The following CDC14B variants were observed in gnomAD, a reference collection of about 807,000 sequenced individuals.
CDC14B encodes the protein dual specificity protein phosphatase CDC14B.
In CDC14B, 22 loss-of-function variants were observed where a neutral mutation model predicts 64.2. The observed-to-expected ratio is 0.34, with a 90% confidence interval of 0.24 to 0.49. The LOEUF is 0.49. Among genes scored for constraint, CDC14B ranks in the 20% least tolerant of loss-of-function variants. The pLI, the probability that CDC14B is intolerant of heterozygous loss-of-function variation, is 0.99. For missense variants in CDC14B, 498 were observed against 629.9 expected (o/e 0.79, Z 2.24); for synonymous variants, 191 against 215.8 (o/e 0.89, Z 1.01).
rs1440798089 is a variant in CDC14B at position 96,619,213 on chromosome 9, G to A, written c.160+6C>T. The A allele has an allele frequency of 2.5e-5, 32 of 1,295,736 alleles. No homozygotes were observed. The highest frequency in any genetic ancestry group is 2.9e-5 in the Non-Finnish European group (30 of 1,018,474). The allele number at this position is 1,295,736 out of a possible 1,614,324, so 80.3% of individuals were successfully genotyped here. On this transcript the variant is annotated splice_donor_region_variant and intron_variant, in intron 1 of 13. Coordinates refer to ENST00000375241, the MANE Select transcript of CDC14B (RefSeq NM_033331.4). Reference sequence around the variant, plus strand: ...GGGCCCTCCGCGCGCCCACTGGCCGGCTCACCGGTGATGTCCAGGTACACG... The same window carrying A: ...GGGCCCTCCGCGCGCCCACTGGCCGACTCACCGGTGATGTCCAGGTACACG...
intron 12 of CDC14B, among the ~76,000 whole-genome samples, chr9:96,520,583 C>CTT (rs1270563591): frequency 2.0e-5 from 3 of 152,176 alleles, no homozygotes; most frequent in Non-Finnish European, 4.4e-5. Flanking sequence ...TTAACAAAAA[C>CTT]TTTTGACTAA....
chr9:96,494,801 A>AGTCTC (rs1833179275), intron 13 of CDC14B, among the ~76,000 whole-genome samples: 1 of 84,292 alleles, frequency 1.2e-5, no homozygotes, highest in South Asian at 5.3e-4. Context: ...CGTCCTGTCC[A>AGTCTC]GTCTCGTCCC....
intron 1 of CDC14B, among the ~76,000 whole-genome samples, chr9:96,591,668 G>A (rs1490319725): frequency 1.3e-5 from 2 of 152,084 alleles, no homozygotes; most frequent in African/African-American, 4.8e-5. Flanking sequence ...GATAGCTTTA[G>A]GTAGTTATTA....
At chr9:96,550,451 C>CTT (rs1233567368) in intron 5 of CDC14B, among the ~76,000 whole-genome samples, 1 of 152,164 alleles carries the variant, frequency 6.6e-6, no homozygotes, top group African/African-American at 2.4e-5. Context: ...ATTAGAAATA[C>CTT]CCATCCCAAG....
Position 96,619,444 on chromosome 9 carries a change from C to G in CDC14B, c.-66G>C. On this transcript the variant is annotated 5_prime_UTR_variant, in exon 1 of 14. Coordinates refer to ENST00000375241, the MANE Select transcript of CDC14B (RefSeq NM_033331.4). ...CCGCGCGCCCGCGCGCCCGCCGAGGCTCCCGCCAGCCCCGCGCGGGCGCTC... is the reference window on the plus strand; with the variant it reads ...CCGCGCGCCCGCGCGCCCGCCGAGGGTCCCGCCAGCCCCGCGCGGGCGCTC... 1 of 975,240 alleles carries G rather than the reference C, an allele frequency of 1.0e-6. No homozygotes were observed. The highest frequency in any genetic ancestry group is 1.2e-6 in the Non-Finnish European group (1 of 812,728). The allele number at this position is 975,240 out of a possible 1,614,324, so 60.4% of individuals were successfully genotyped here.
intron 2 of CDC14B, 70 bp from the exon 3 acceptor site, chr9:96,564,922 C>T: frequency 1.0e-6 from 1 of 977,826 alleles, no homozygotes; most frequent in Non-Finnish European, 1.5e-6. Context: ...TTTTTTGGGT[C>T]TACAAGATCA....
chr9:96,600,807 G>A (rs1021317477), intron 1 of CDC14B, among the ~76,000 whole-genome samples: 5 of 151,920 alleles, frequency 3.3e-5, no homozygotes, highest in Admixed American at 6.6e-5. Flanking sequence ...CCGGCCTAGC[G>A]TTTGTGTTTA....
intron 1 of CDC14B, among the ~76,000 whole-genome samples, chr9:96,587,030 G>A (rs1420276543): frequency 2.6e-5 from 4 of 151,946 alleles, no homozygotes; most frequent in Admixed American, 6.6e-5. Context: ...AAAATTAACC[G>A]GGCGTGTTGG....
intron 1 of CDC14B, chr9:96,618,648 G>T (rs760137509): frequency 3.8e-6 from 2 of 524,440 alleles, no homozygotes; most frequent in Non-Finnish European, 7.7e-6. Flanking sequence ...GCGCTAGGGG[G>T]CAGGGCGCGG....
At chr9:96,574,136 G>C (rs1482056655) in intron 1 of CDC14B, among the ~76,000 whole-genome samples, 1 of 149,594 alleles carries the variant, frequency 6.7e-6, no homozygotes, top group Non-Finnish European at 1.5e-5. Flanking sequence ...GACAGAGTGA[G>C]ACTCCATCTC....
intron 12 of CDC14B, among the ~76,000 whole-genome samples, chr9:96,519,786 A>G (rs1836393128): frequency 6.6e-6 from 1 of 151,790 alleles, no homozygotes; most frequent in African/African-American, 2.4e-5. Flanking sequence ...TATTTTATGT[A>G]CTATAACCTT....
downstream of CDC14B, among the ~76,000 whole-genome samples, chr9:96,496,828 T>G (rs1431498180): frequency 2.6e-5 from 4 of 152,082 alleles, no homozygotes; most frequent in Admixed American, 2.6e-4. Context: ...CGAGGCGGCT[T>G]CTCTGTCCTG....
intron 1 of CDC14B, among the ~76,000 whole-genome samples, chr9:96,584,094 CA>C (rs1444072155): frequency 6.6e-6 from 1 of 152,172 alleles, no homozygotes; most frequent in African/African-American, 2.4e-5. Context: ...GTAAGCTTTT[CA>C]TAAAAGGGGT....
At chr9:96,496,233 G>C (rs1290659790), downstream of CDC14B, 1 of 474,170 alleles carries the variant, frequency 2.1e-6, no homozygotes, top group Admixed American at 2.2e-5. Flanking sequence ...ATTGCACCTG[G>C]AGAGAACTTG....
chr9:96,582,161 T>A (rs1483222130), intron 1 of CDC14B, among the ~76,000 whole-genome samples: 1 of 152,182 alleles, frequency 6.6e-6, no homozygotes, highest in Non-Finnish European at 1.5e-5. Flanking sequence ...AAAAGTAAAG[T>A]AGAGGTTCCT....
chr9:96,577,209 C>T (rs1844865928), intron 1 of CDC14B, among the ~76,000 whole-genome samples: 1 of 150,536 alleles, frequency 6.6e-6, no homozygotes, highest in Non-Finnish European at 1.5e-5. Flanking sequence ...AGAGATCACA[C>T]CACTGCACTC....
chr9:96,545,888 C>A (rs1479600134), intron 5 of CDC14B, among the ~76,000 whole-genome samples: 1 of 152,134 alleles, frequency 6.6e-6, no homozygotes, highest in African/African-American at 2.4e-5. Flanking sequence ...CAATTTTAGA[C>A]ACACCCACAT....
At chr9:96,564,874 A>C in intron 2 of CDC14B, 22 bp from the exon 3 acceptor site, 4 of 1,501,230 alleles carry the variant, frequency 2.7e-6, no homozygotes, top group Non-Finnish European at 3.7e-6. Flanking sequence ...AAAAATAAAA[A>C]TGTGATGTAC....
Position 96,500,643 on chromosome 9 carries a change from T to C in CDC14B, c.*3110A>G, listed in dbSNP as rs948147995. ...AAATGGAAGAGCAGCAGATAGCCTC[T>C]CCAGGGCAGTTTCAGCGGGAGAGAA... On this transcript the variant is annotated 3_prime_UTR_variant, in exon 14 of 14. Transcript: ENST00000375241. The C allele has an allele frequency of 2.6e-5, 4 of 152,632 alleles. No individual in the cohort carries two copies. Among genetic ancestry groups the C allele is most frequent in the African/African-American group, 9.7e-5 (4 of 41,422 alleles). 9.5% of individuals were successfully genotyped at this position (152,632 alleles called of 1,614,324 possible). A position where few individuals can be genotyped will look rare whatever the true frequency, so the allele number is the denominator to read the frequency against.
Sources: allele counts gnomAD v4.1 joint callset (sites outside exome capture counted in the v4.1 genomes callset), GRCh38; gene constraint gnomAD v4.1.1; transcripts MANE v1.5; gene names NCBI Gene and HGNC (gene_info 2026-07-23, HGNC 2026-07-21).